ADAMTS20: variants seen among roughly 807,000 people sequenced by gnomAD.
ADAMTS20 encodes the protein ADAM metallopeptidase with thrombospondin type 1 motif 20, also known as A disintegrin and metalloproteinase with thrombospondin motifs 20.
ADAMTS20 carries 225 observed loss-of-function variants against 260.1 expected under a neutral mutation model. The ratio of observed to expected loss-of-function variants is 0.87; its 90% CI spans 0.78 to 0.97. The LOEUF (loss-of-function observed/expected upper bound fraction) is 0.97, where lower values mean the gene tolerates loss of function less well. Among genes scored for constraint, ADAMTS20 ranks in the 50% least tolerant of loss-of-function variants. The pLI is 0.00. For synonymous variants in ADAMTS20, 802 were observed against 769.5 expected, an observed-to-expected ratio of 1.04 and a Z score of -0.70; for missense variants, 2,400 against 2,337.7, an observed-to-expected ratio of 1.03 and a Z score of -0.55.
intron 7 of ADAMTS20, among the ~76,000 whole-genome samples, chr12:43,476,035 A>G (rs755863586): frequency 0.018 from 2,309 of 130,500 alleles, 31 homozygotes; most frequent in Middle Eastern, 0.087. Context: ...AGCAAAAGAA[A>G]CTACCATCAG....
chr12:43,471,376 G>C (rs1330239761), intron 7 of ADAMTS20, among the ~76,000 whole-genome samples: 3 of 134,046 alleles, frequency 2.2e-5, no homozygotes, highest in African/African-American at 8.4e-5. Flanking sequence ...AGCAGTCTGA[G>C]ATCAAACTGC....
intron 37 of ADAMTS20, among the ~76,000 whole-genome samples, chr12:43,361,878 G>A (rs549615401): frequency 6.6e-6 from 1 of 152,220 alleles, no homozygotes; most frequent in Admixed American, 6.5e-5. Flanking sequence ...ACAGTTATAT[G>A]ATTTACTTGT....
chr12:43,460,989 T>TATATATATATATATA (rs1555129949), intron 11 of ADAMTS20, among the ~76,000 whole-genome samples: 6 of 25,918 alleles, frequency 2.3e-4, no homozygotes, highest in Non-Finnish European at 3.5e-4. Context: ...TATATATATA[T>TATATATATATATATA]TTTTTTTTTT....
intron 18 of ADAMTS20, among the ~76,000 whole-genome samples, chr12:43,439,160 A>G (rs1046947914): frequency 6.6e-6 from 1 of 151,916 alleles, no homozygotes; most frequent in Non-Finnish European, 1.5e-5. Context: ...TCCATTTTTC[A>G]TGCCATCTAT....
intron 16 of ADAMTS20, among the ~76,000 whole-genome samples, chr12:43,442,562 T>C (rs115656994): frequency 0.013 from 2,022 of 152,190 alleles, 50 homozygotes; most frequent in African/African-American, 0.047. Context: ...ACAGCCAACA[T>C]TTCTAATTTT....
rs1371210742 is a variant in ADAMTS20 at position 43,452,384 on chromosome 12, A to T, written c.1969T>A (p.Tyr657Asn). The change falls in exon 14 of 39, where the codon TAT becomes AAT. Residue 657 changes from tyrosine (Y) to asparagine (N), a missense_variant. Transcript: ENST00000389420. ...TAATTGGTTCCAGCAACCTGACAAT[A>T]GAGTTTACAACGATCCTTTGTGCCA... ...GIGTKDRCKLYCQVAGTNYFY... is the reference protein window; with the variant it reads ...GIGTKDRCKLNCQVAGTNYFY... The T allele has an allele frequency of 6.2e-7, 1 of 1,613,070 alleles. No homozygotes were observed. Among genetic ancestry groups the T allele is most frequent in the Non-Finnish European group, 8.5e-7 (1 of 1,179,554 alleles).
At chr12:43,412,518 C>T (rs536266862) in intron 28 of ADAMTS20, among the ~76,000 whole-genome samples, 9 of 152,226 alleles carry the variant, frequency 5.9e-5, no homozygotes, top group South Asian at 2.1e-4. Flanking sequence ...CTGACTCTAA[C>T]GGGTATCCTG....
At chr12:43,373,517 C>CA (rs1210623560) in intron 36 of ADAMTS20, among the ~76,000 whole-genome samples, 4 of 151,594 alleles carry the variant, frequency 2.6e-5, no homozygotes, top group Non-Finnish European at 2.9e-5. Flanking sequence ...AAAAAAGTCA[C>CA]AAAAAAAATC....
chr12:43,356,308 T>A (rs554427261), intron 38 of ADAMTS20, among the ~76,000 whole-genome samples, 176 bp downstream of exon 38: 156 of 152,340 alleles, frequency 1.0e-3, no homozygotes, highest in Middle Eastern at 3.4e-3. Flanking sequence ...TACAAATGAA[T>A]CCTGTTTCAT....
intron 28 of ADAMTS20, among the ~76,000 whole-genome samples, chr12:43,412,110 C>T (rs1043087644): frequency 1.3e-5 from 2 of 152,056 alleles, no homozygotes; most frequent in Non-Finnish European, 2.9e-5. Context: ...AGAAATGAAC[C>T]GATGCTATGT....
chr12:43,475,941 C>G (rs1942345860), intron 7 of ADAMTS20, among the ~76,000 whole-genome samples: 1 of 131,600 alleles, frequency 7.6e-6, no homozygotes, highest in South Asian at 2.9e-4. Flanking sequence ...TGGGCAAGGA[C>G]TTCATGTCCA....
At chr12:43,408,185 T>G (rs1365541659) in intron 28 of ADAMTS20, among the ~76,000 whole-genome samples, 1 of 152,194 alleles carries the variant, frequency 6.6e-6, no homozygotes, top group African/African-American at 2.4e-5. Flanking sequence ...GAAACACTGC[T>G]TTTGAAAGAA....
chr12:43,432,683 C>T lies in ADAMTS20; in HGVS notation c.2849G>A (p.Gly950Asp). ...TTGGGTAGGAGGTTTAAGCTGGTCA[C>T]CACAGTAGTGGTCATCAACTTGAAC... ...QTVQVDDHYC[G>D]DQLKPPTQEL... The change falls in exon 20 of 39, where the codon GGT becomes GAT. Residue 950 changes from glycine to aspartate, a missense_variant. Coordinates refer to ENST00000389420, the MANE Select transcript of ADAMTS20 (RefSeq NM_025003.5). The T allele has an allele frequency of 6.2e-7, 1 of 1,613,884 alleles. No homozygotes were observed. Among genetic ancestry groups the T allele is most frequent in the East Asian group, 2.2e-5 (1 of 44,858 alleles).
intron 4 of ADAMTS20, among the ~76,000 whole-genome samples, chr12:43,498,361 GATAGATAATCCAAGTTGT>G (rs1942706562): frequency 6.6e-6 from 1 of 152,174 alleles, no homozygotes; most frequent in South Asian, 2.1e-4. Context: ...GATGAGTAAG[GATAGATAATCCAAGTTGT>G]GTATATAATC....
At chr12:43,445,601 T>G (rs1402942831) in intron 15 of ADAMTS20, among the ~76,000 whole-genome samples, 1 of 152,016 alleles carries the variant, frequency 6.6e-6, no homozygotes, top group Non-Finnish European at 1.5e-5. Context: ...TTTCAGGACT[T>G]TGGGAGGCCG....
At chr12:43,409,875 C>T (rs1022795972) in intron 28 of ADAMTS20, among the ~76,000 whole-genome samples, 78 of 152,026 alleles carry the variant, frequency 5.1e-4, no homozygotes, top group African/African-American at 1.8e-3. Context: ...ATACCAAAAG[C>T]TTCAGTGGAA....
chr12:43,378,475 A>T (rs531166066), intron 31 of ADAMTS20, among the ~76,000 whole-genome samples: 1 of 152,340 alleles, frequency 6.6e-6, no homozygotes, highest in African/African-American at 2.4e-5. Flanking sequence ...TAGGTAAAGT[A>T]CTCAAAAGGG....
chr12:43,507,995 G>A (rs997260837), intron 3 of ADAMTS20, among the ~76,000 whole-genome samples: 4 of 152,112 alleles, frequency 2.6e-5, no homozygotes, highest in African/African-American at 7.2e-5. Flanking sequence ...TGAGAGTGGA[G>A]GGTGAGAGGA....
chr12:43,524,005 T>C (rs1490262063), intron 3 of ADAMTS20, among the ~76,000 whole-genome samples: 1 of 151,626 alleles, frequency 6.6e-6, no homozygotes, highest in Non-Finnish European at 1.5e-5. Flanking sequence ...ACTGCTACTG[T>C]AGCTGGTGCT....
Sources: allele counts gnomAD v4.1 joint callset (sites outside exome capture counted in the v4.1 genomes callset), GRCh38; gene constraint gnomAD v4.1.1; transcripts MANE v1.5; gene names NCBI Gene and HGNC (gene_info 2026-07-23, HGNC 2026-07-21).